Variants in OPCML observed in about 807,000 individuals in gnomAD.
The protein encoded by OPCML is opioid binding protein/cell adhesion molecule like.
In OPCML, 13 loss-of-function variants were observed where a neutral mutation model predicts 37.8. The observed-to-expected ratio is 0.34, with a 90% CI of 0.22 to 0.55. OPCML has a LOEUF of 0.55. OPCML is among the 20% of genes least tolerant of loss of function. The probability of loss-of-function intolerance (pLI) is 0.91; values close to 1 mark genes in which losing one functional copy is unlikely to be tolerated. For missense variants in OPCML, 341 were observed against 435.6 expected (o/e 0.78, Z 1.93); for synonymous variants, 176 against 168.8 (o/e 1.04, Z -0.33).
intron 2 of OPCML, among the ~76,000 whole-genome samples, chr11:132,710,137 C>A (rs1944203294): frequency 6.6e-6 from 1 of 152,146 alleles, no homozygotes; most frequent in South Asian, 2.1e-4. Context: ...AAGGCAAAGA[C>A]CTGGGCCACA....
At chr11:133,382,794 G>A (rs528312014) in intron 1 of OPCML, among the ~76,000 whole-genome samples, 1 of 152,258 alleles carries the variant, frequency 6.6e-6, no homozygotes, top group South Asian at 2.1e-4. Flanking sequence ...CCCGACAAAG[G>A]AGAGGCCTCT....
chr11:132,881,931 G>GC (rs1216243572), intron 2 of OPCML, among the ~76,000 whole-genome samples: 2 of 152,190 alleles, frequency 1.3e-5, no homozygotes, highest in African/African-American at 2.4e-5. Flanking sequence ...GTGTTCAATA[G>GC]CCCCTAACTC....
At chr11:133,183,995 T>C (rs551037998) in intron 1 of OPCML, among the ~76,000 whole-genome samples, 1 of 152,300 alleles carries the variant, frequency 6.6e-6, no homozygotes, top group African/African-American at 2.4e-5. Flanking sequence ...CCCATTACCA[T>C]GTTTGATAAA....
chr11:132,519,571 G>A lies in OPCML; in HGVS notation c.505+9490C>T, dbSNP rs941691822. ...TGTGCATGCCAAAGCGAAAATGTACGCAAGCAAAGGGGGAAAACATATGGG... is the reference window on the plus strand; with the variant it reads ...TGTGCATGCCAAAGCGAAAATGTACACAAGCAAAGGGGGAAAACATATGGG... On this transcript the variant is annotated intron_variant, in intron 4 of 7. Transcript: ENST00000524381. Among the ~76,000 whole-genome samples the A allele has an allele frequency of 8.5e-5, 13 of 152,170 alleles. No individual in the cohort carries two copies. In the East Asian group the frequency reaches 1.4e-3, roughly 16 times the overall value.
At chr11:132,574,665 G>C (rs544133863) in intron 3 of OPCML, among the ~76,000 whole-genome samples, 8 of 151,934 alleles carry the variant, frequency 5.3e-5, no homozygotes, top group African/African-American at 1.4e-4. Context: ...GCTGAGACTT[G>C]GTTTGTAAAT....
At chr11:132,973,067 G>T (rs773713524) in intron 1 of OPCML, among the ~76,000 whole-genome samples, 42 of 151,632 alleles carry the variant, frequency 2.8e-4, no homozygotes, top group Non-Finnish European at 5.0e-4. Context: ...GTTTTGTGTT[G>T]TTTGTTTGTT....
chr11:132,554,133 G>C (rs543038650), intron 3 of OPCML, among the ~76,000 whole-genome samples: 2 of 152,154 alleles, frequency 1.3e-5, no homozygotes, highest in Admixed American at 6.5e-5. Flanking sequence ...ATCATTAAAC[G>C]TGAGGATGAG....
intron 1 of OPCML, among the ~76,000 whole-genome samples, chr11:133,519,594 T>G (rs988932326): frequency 7.9e-5 from 12 of 152,228 alleles, no homozygotes; most frequent in African/African-American, 2.9e-4. Flanking sequence ...TAATGCATCT[T>G]CCTTGATTTC....
intron 2 of OPCML, among the ~76,000 whole-genome samples, chr11:132,708,607 A>G (rs1439815172): frequency 5.3e-5 from 8 of 152,212 alleles, no homozygotes; most frequent in Non-Finnish European, 1.2e-4. Context: ...TTCTTACCCT[A>G]TTGGTGTCAT....
intron 3 of OPCML, among the ~76,000 whole-genome samples, chr11:132,535,641 G>A (rs1227611105): frequency 2.0e-5 from 3 of 152,156 alleles, no homozygotes; most frequent in Non-Finnish European, 4.4e-5. Flanking sequence ...CAGGATGCTG[G>A]GACACAGTCT....
intron 1 of OPCML, among the ~76,000 whole-genome samples, chr11:133,013,221 C>T (rs1947255128): frequency 6.6e-6 from 1 of 152,144 alleles, no homozygotes; most frequent in Non-Finnish European, 1.5e-5. Flanking sequence ...CAGGTAAAAC[C>T]TCTCCTGGAT....
intron 1 of OPCML, among the ~76,000 whole-genome samples, chr11:133,192,523 C>A (rs1269770553): frequency 1.3e-5 from 2 of 152,232 alleles, no homozygotes; most frequent in African/African-American, 4.8e-5. Flanking sequence ...GTAAAACTTG[C>A]ATTTCCTTTG....
chr11:132,919,435 T>C (rs1223044918), intron 2 of OPCML, among the ~76,000 whole-genome samples: 1 of 152,190 alleles, frequency 6.6e-6, no homozygotes, highest in Non-Finnish European at 1.5e-5. Context: ...TGGGAACTAC[T>C]GGTCTAAGCT....
At chr11:133,053,063 C>T (rs1398798079) in intron 1 of OPCML, among the ~76,000 whole-genome samples, 4 of 152,230 alleles carry the variant, frequency 2.6e-5, no homozygotes, top group Non-Finnish European at 5.9e-5. Context: ...CATTCATTTT[C>T]AGCTGGCCTT....
At chr11:132,824,970 C>A (rs1391670730) in intron 2 of OPCML, among the ~76,000 whole-genome samples, 1 of 152,164 alleles carries the variant, frequency 6.6e-6, no homozygotes, top group Non-Finnish European at 1.5e-5. Flanking sequence ...TCTTTAAAGT[C>A]TCAGAGCAGA....
chr11:133,221,114 A>T (rs1268493539), intron 1 of OPCML, among the ~76,000 whole-genome samples: 1 of 152,134 alleles, frequency 6.6e-6, no homozygotes, highest in Non-Finnish European at 1.5e-5. Flanking sequence ...TTTATATGAC[A>T]CAGCTAAAGT....
intron 1 of OPCML, among the ~76,000 whole-genome samples, chr11:133,109,597 A>C (rs1949220094): frequency 6.6e-6 from 1 of 152,130 alleles, no homozygotes; most frequent in Non-Finnish European, 1.5e-5. Flanking sequence ...TGCATTTTAC[A>C]ATCCTCTTGT....
chr11:133,149,190 T>C (rs758583101), intron 1 of OPCML, among the ~76,000 whole-genome samples: 3 of 152,252 alleles, frequency 2.0e-5, no homozygotes, highest in Non-Finnish European at 2.9e-5. Flanking sequence ...TTTTGTGGTT[T>C]GTTCGTCCTA....
chr11:132,862,490 A>G (rs1012640639), intron 2 of OPCML, among the ~76,000 whole-genome samples: 6 of 151,960 alleles, frequency 3.9e-5, no homozygotes, highest in Non-Finnish European at 5.9e-5. Context: ...ACGAAAAAAA[A>G]AAAAAAAACT....
Sources: gnomAD v4.1 joint callset for allele counts (sites outside exome capture counted in the v4.1 genomes callset) on GRCh38, gnomAD v4.1.1 for gene constraint, MANE v1.5 for transcripts, NCBI Gene and HGNC (gene_info 2026-07-23, HGNC 2026-07-21) for gene names.